The following TAFA5 variants were observed in gnomAD, a reference collection of about 807,000 sequenced individuals.
The protein encoded by TAFA5 is chemokine-like protein TAFA-5.
TAFA5 carries 6 observed loss-of-function variants against 15.3 expected under a neutral mutation model. That is an observed-to-expected ratio of 0.39 (90% CI 0.21 to 0.77). The LOEUF (loss-of-function observed/expected upper bound fraction) is 0.77. Ranked by LOEUF, TAFA5 falls within the 30% of genes least tolerant of loss-of-function variation. The probability of loss-of-function intolerance (pLI) is 0.41; values close to 1 mark genes in which losing one functional copy is unlikely to be tolerated. For missense variants in TAFA5, 161 were observed against 193.1 expected, an observed-to-expected ratio of 0.83 and a Z score of 0.98; for synonymous variants, 103 against 80.7, an observed-to-expected ratio of 1.28 and a Z score of -1.48.
intron 1 of TAFA5, among the ~76,000 whole-genome samples, chr22:48,614,061 A>G (rs1925509538): frequency 6.6e-6 from 1 of 152,208 alleles, no homozygotes; most frequent in African/African-American, 2.4e-5. Flanking sequence ...GCACTTGCGA[A>G]GCGGTCCTGA....
At chr22:48,644,352 G>T (rs940155832) in intron 1 of TAFA5, among the ~76,000 whole-genome samples, 1 of 152,160 alleles carries the variant, frequency 6.6e-6, no homozygotes, top group Non-Finnish European at 1.5e-5. Context: ...CCCCCTCCCC[G>T]CAGCCACGCA....
intron 1 of TAFA5, among the ~76,000 whole-genome samples, chr22:48,618,736 G>T (rs1925703562): frequency 6.6e-6 from 1 of 152,258 alleles, no homozygotes; most frequent in Non-Finnish European, 1.5e-5. Context: ...GCCACTGGGA[G>T]CAGGCAGGTG....
In TAFA5 at chr22:48,558,949, G is replaced by A. The variant is rs117240711; in HGVS notation, c.112+69245G>A. Reference sequence around the variant, plus strand: ...AATAAGCAGGTGCCAGGCCTGAACTGTGTCCCCCACATTCAAATGGCCTAG... The same window carrying A: ...AATAAGCAGGTGCCAGGCCTGAACTATGTCCCCCACATTCAAATGGCCTAG... On this transcript the variant is annotated intron_variant, in intron 1 of 3. Transcript: ENST00000402357. Among the ~76,000 whole-genome samples the A allele has an allele frequency of 6.2e-3, 951 of 152,350 alleles. 6 individuals carry two copies. The highest frequency in any genetic ancestry group is 0.011 in the Non-Finnish European group (747 of 68,026).
At chr22:48,674,991 G>T (rs914561130) in intron 2 of TAFA5, among the ~76,000 whole-genome samples, 3 of 151,486 alleles carry the variant, frequency 2.0e-5, no homozygotes, top group African/African-American at 7.3e-5. Flanking sequence ...CCCAGGCTTG[G>T]AGTGCAGTGG....
chr22:48,587,550 T>C (rs1229381280), intron 1 of TAFA5, among the ~76,000 whole-genome samples: 4 of 152,168 alleles, frequency 2.6e-5, no homozygotes, highest in Non-Finnish European at 5.9e-5. Flanking sequence ...GCTGCATTTC[T>C]GTGGACTCCT....
rs974605527 is a variant in TAFA5 at position 48,575,554 on chromosome 22, G to A, written c.113-71043G>A. 4.8e-5 allele frequency among the ~76,000 whole-genome samples: 7 copies of A among 146,010 alleles called. No homozygotes were observed. In the South Asian group the frequency reaches 6.2e-4, roughly 13 times the overall value. On this transcript the variant is annotated intron_variant, in intron 1 of 3. Transcript: ENST00000402357. The stretch of plus-strand genomic sequence containing the variant: ...GCCGGAGCAGCGGCGTCCCGCGGGC[G>A]GCGAGGCGCGCAGCGTCGCCGGCCC...
intron 1 of TAFA5, among the ~76,000 whole-genome samples, chr22:48,500,112 C>T (rs1920944215): frequency 6.6e-6 from 1 of 151,974 alleles, no homozygotes; most frequent in Non-Finnish European, 1.5e-5. Context: ...TTTTCCAGCC[C>T]GAAATTGATG....
intron 1 of TAFA5, among the ~76,000 whole-genome samples, chr22:48,564,904 C>T (rs1923359440): frequency 6.6e-6 from 1 of 152,158 alleles, no homozygotes; most frequent in Non-Finnish European, 1.5e-5. Flanking sequence ...CCCCCAGTGG[C>T]CCTGCAAAAA....
chr22:48,489,988 C>T lies in TAFA5; in HGVS notation c.112+284C>T, dbSNP rs988630137. 2.6e-5 allele frequency among the ~76,000 whole-genome samples: 4 copies of T among 151,850 alleles called. No individual in the cohort carries two copies. The highest frequency in any genetic ancestry group is 4.4e-5 in the Non-Finnish European group (3 of 67,936). ...GCTCCAGGCCCCGGGTGGCGCGGCCCGTCCCTGCCCGGCGGTCGGAGCCCA... is the reference window on the plus strand; with the variant it reads ...GCTCCAGGCCCCGGGTGGCGCGGCCTGTCCCTGCCCGGCGGTCGGAGCCCA... On this transcript the variant is annotated intron_variant, in intron 1 of 3. Coordinates refer to ENST00000402357, the MANE Select transcript of TAFA5 (RefSeq NM_001082967.3). The surrounding 1 kb of genome is among the most constrained non-coding windows in gnomAD (Gnocchi z 5.5).
chr22:48,623,504 C>T lies in TAFA5; in HGVS notation c.113-23093C>T, dbSNP rs187940643. Among the ~76,000 whole-genome samples the T allele has an allele frequency of 1.3e-4, 20 of 152,216 alleles. No individual in the cohort carries two copies. In the East Asian group the frequency reaches 1.4e-3, roughly 10 times the overall value. On this transcript the variant is annotated intron_variant, in intron 1 of 3. Transcript: ENST00000402357. ...CCCGTGATGTGTTTGTGACGGGTGT[C>T]GGTATCACCTTTTGAGCAGGTGTCT...
intron 2 of TAFA5, among the ~76,000 whole-genome samples, chr22:48,672,400 C>T (rs935146621): frequency 3.3e-5 from 5 of 152,178 alleles, no homozygotes; most frequent in Non-Finnish European, 5.9e-5. Context: ...TTTTATTGCC[C>T]TAAGGAAACT....
At position 48,510,322 on chromosome 22, in the gene TAFA5, C is replaced by T. The variant is rs1194957509; in HGVS notation, c.112+20618C>T. On this transcript the variant is annotated intron_variant, in intron 1 of 3. Coordinates refer to ENST00000402357, the MANE Select transcript of TAFA5 (RefSeq NM_001082967.3). ...AAGGGACTAATATCCAGAATATATT[C>T]ATACAAGGAACTCAACTCAACAGCA... is the stretch of plus-strand genomic sequence containing the variant. Among the ~76,000 whole-genome samples the T allele has an allele frequency of 2.0e-5, 3 of 152,280 alleles. No homozygotes were observed. In the South Asian group the frequency reaches 6.2e-4, roughly 32 times the overall value.
intron 1 of TAFA5, among the ~76,000 whole-genome samples, chr22:48,517,616 T>C (rs997930122): frequency 1.3e-5 from 2 of 152,168 alleles, no homozygotes; most frequent in Non-Finnish European, 2.9e-5. Context: ...CGGGTTCTGA[T>C]AGCCCGCCGG....
In TAFA5 at chr22:48,742,178, A is replaced by G. The variant is rs1248474675; in HGVS notation, c.391-7661A>G. ...CAGGCCCCCTCATCCTTCACCAGGCACAGCCCTGCCCCACCCCACAGGCCC... is the reference window on the plus strand; with the variant it reads ...CAGGCCCCCTCATCCTTCACCAGGCGCAGCCCTGCCCCACCCCACAGGCCC... On this transcript the variant is annotated intron_variant, in intron 3 of 3. Coordinates refer to ENST00000402357, the MANE Select transcript of TAFA5 (RefSeq NM_001082967.3). This position sits in a 1 kb window ranked among gnomAD's most constrained non-coding sequence, Gnocchi z 6.2. Among the ~76,000 whole-genome samples, 3 of 147,828 alleles carry G rather than the reference A, an allele frequency of 2.0e-5. No individual in the cohort carries two copies. The highest frequency in any genetic ancestry group is 4.5e-5 in the Non-Finnish European group (3 of 66,950).
intron 1 of TAFA5, among the ~76,000 whole-genome samples, chr22:48,593,897 G>C (rs1426031330): frequency 1.3e-5 from 2 of 152,238 alleles, no homozygotes; most frequent in African/African-American, 2.4e-5. Context: ...ACAGCACACA[G>C]AGTGCACGGC....
At chr22:48,650,320 T>G (rs1473603630) in intron 2 of TAFA5, among the ~76,000 whole-genome samples, 1 of 152,118 alleles carries the variant, frequency 6.6e-6, no homozygotes, top group Non-Finnish European at 1.5e-5. Flanking sequence ...ATTCATACAT[T>G]TGCTCACTCA....
intron 1 of TAFA5, among the ~76,000 whole-genome samples, chr22:48,581,963 G>A (rs898953911): frequency 6.6e-6 from 1 of 152,104 alleles, no homozygotes; most frequent in Admixed American, 6.5e-5. Flanking sequence ...AGCGAAGCAC[G>A]CAGCTGTGGG....
At chr22:48,741,655 C>T (rs924179385) in intron 3 of TAFA5, among the ~76,000 whole-genome samples, 1 of 151,972 alleles carries the variant, frequency 6.6e-6, no homozygotes, top group Non-Finnish European at 1.5e-5. Flanking sequence ...GAGGTGAGGA[C>T]ACAGACACAC....
chr22:48,674,102 A>C (rs1927892435), intron 2 of TAFA5, among the ~76,000 whole-genome samples: 3 of 150,850 alleles, frequency 2.0e-5, no homozygotes, highest in Non-Finnish European at 4.4e-5. Context: ...TCACATCTAG[A>C]CTCTGTGGGA....
Sources: allele counts gnomAD v4.1 joint callset (sites outside exome capture counted in the v4.1 genomes callset), GRCh38; gene constraint gnomAD v4.1.1; non-coding constraint Gnocchi (gnomAD v3.1); transcripts MANE v1.5; gene names NCBI Gene and HGNC (gene_info 2026-07-23, HGNC 2026-07-21).